The following ADAMTSL3 variants were observed in gnomAD, a reference collection of about 807,000 sequenced individuals.
The protein encoded by ADAMTSL3 is ADAMTS like 3.
In ADAMTSL3, 128 loss-of-function variants were observed where a neutral mutation model predicts 201.7. The ratio of observed to expected loss-of-function variants is 0.63; its 90% CI spans 0.55 to 0.73. ADAMTSL3 has a LOEUF of 0.73. Among genes scored for constraint, ADAMTSL3 ranks in the 30% least tolerant of loss-of-function variants. The probability of loss-of-function intolerance (pLI) is 0.00; values close to 1 mark genes in which losing one functional copy is unlikely to be tolerated. For missense variants in ADAMTSL3, 1,990 were observed against 2,119.6 expected, an observed-to-expected ratio of 0.94 and a Z score of 1.20; for synonymous variants, 738 against 748.4, an observed-to-expected ratio of 0.99 and a Z score of 0.23.
chr15:83,712,333 T>C (rs868630413), intron 3 of ADAMTSL3, among the ~76,000 whole-genome samples: 4 of 152,338 alleles, frequency 2.6e-5, no homozygotes, highest in Non-Finnish European at 5.9e-5. Flanking sequence ...ATTCCAACTT[T>C]CTGCTGCAAC....
intron 23 of ADAMTSL3, among the ~76,000 whole-genome samples, chr15:84,011,631 T>C (rs182267873): frequency 6.6e-6 from 1 of 152,212 alleles, no homozygotes; most frequent in African/African-American, 2.4e-5. Flanking sequence ...AAATCAGAAG[T>C]ATACATATTG....
chr15:83,698,374 C>G (rs1297797520), intron 2 of ADAMTSL3, among the ~76,000 whole-genome samples: 1 of 152,062 alleles, frequency 6.6e-6, no homozygotes, highest in Non-Finnish European at 1.5e-5. Flanking sequence ...CAGCTGTATC[C>G]CCACGTCTCA....
Position 83,773,573 on chromosome 15 carries a change from T to C in ADAMTSL3, c.240T>C (p.Ala80=), listed in dbSNP as rs2063021670. 1 of 1,614,068 alleles carries C rather than the reference T, an allele frequency of 6.2e-7. No homozygotes were observed. The highest frequency in any genetic ancestry group is 1.1e-5 in the South Asian group (1 of 91,080). ...AAGACAAAGATGGCAACTGGGATGC[T>C]TGGGGCGACTGGAGTGACTGCTCCC... ...SDEDKDGNWD[A]WGDWSDCSRT... The change falls in exon 4 of 30, where the codon GCT becomes GCC. Residue 80 remains alanine, a synonymous_variant. Transcript: ENST00000286744.
intron 9 of ADAMTSL3, among the ~76,000 whole-genome samples, chr15:83,883,173 TA>T: frequency 6.6e-6 from 1 of 151,002 alleles, no homozygotes; most frequent in East Asian, 2.0e-4. Flanking sequence ...TATTTTATTT[TA>T]TTTTATTTTA....
intron 7 of ADAMTSL3, among the ~76,000 whole-genome samples, chr15:83,856,514 T>C (rs1254085057): frequency 6.6e-6 from 1 of 151,990 alleles, no homozygotes; most frequent in Middle Eastern, 3.2e-3. Flanking sequence ...TAAGAATCCA[T>C]TGTAGGTATA....
intron 3 of ADAMTSL3, among the ~76,000 whole-genome samples, chr15:83,738,212 G>A (rs2062397865): frequency 6.6e-6 from 1 of 152,142 alleles, no homozygotes; most frequent in Non-Finnish European, 1.5e-5. Flanking sequence ...AGAAAAAAAT[G>A]GACCAGGTAG....
At chr15:83,815,440 T>A (rs2063758063) in intron 5 of ADAMTSL3, among the ~76,000 whole-genome samples, 1 of 152,236 alleles carries the variant, frequency 6.6e-6, no homozygotes, top group Admixed American at 6.5e-5. Flanking sequence ...GCACGTGACC[T>A]AGGGCAAAGC....
chr15:83,729,329 T>C (rs1307486091), intron 3 of ADAMTSL3, among the ~76,000 whole-genome samples: 1 of 152,116 alleles, frequency 6.6e-6, no homozygotes, highest in Non-Finnish European at 1.5e-5. Flanking sequence ...TATTATCCTT[T>C]TGAGTAAAAT....
intron 6 of ADAMTSL3, among the ~76,000 whole-genome samples, chr15:83,833,136 G>T (rs985648283): frequency 1.3e-5 from 2 of 152,170 alleles, no homozygotes; most frequent in Admixed American, 6.5e-5. Context: ...TGTTGATAAG[G>T]AAACTGGAAA....
intron 20 of ADAMTSL3, among the ~76,000 whole-genome samples, chr15:83,977,836 A>G (rs979228020): frequency 6.6e-6 from 1 of 152,250 alleles, no homozygotes; most frequent in Non-Finnish European, 1.5e-5. Context: ...CCGGGCCTCC[A>G]TGGGCCTCAG....
chr15:83,975,095 G>T (rs1034178170), intron 20 of ADAMTSL3, among the ~76,000 whole-genome samples: 2 of 147,412 alleles, frequency 1.4e-5, no homozygotes, highest in Non-Finnish European at 3.0e-5. Context: ...TCTGCCTCCC[G>T]GGTTCACGCC....
At chr15:83,850,999 A>C (rs1375829686) in intron 7 of ADAMTSL3, among the ~76,000 whole-genome samples, 4 of 152,106 alleles carry the variant, frequency 2.6e-5, no homozygotes, top group Non-Finnish European at 5.9e-5. Context: ...TATCAGCATC[A>C]CCTGGGAGGC....
intron 9 of ADAMTSL3, among the ~76,000 whole-genome samples, chr15:83,881,617 G>T (rs1021008200): frequency 3.3e-5 from 5 of 150,710 alleles, no homozygotes; most frequent in African/African-American, 1.2e-4. Context: ...CACTTTGGGA[G>T]GCTGAGGCAG....
intron 2 of ADAMTSL3, among the ~76,000 whole-genome samples, chr15:83,683,219 GCA>G (rs1339061840): frequency 6.6e-6 from 1 of 152,154 alleles, no homozygotes. Flanking sequence ...CTTTACCCTT[GCA>G]TGTGGCTTGT....
intron 4 of ADAMTSL3, among the ~76,000 whole-genome samples, chr15:83,791,129 GGAAAAAATAATATTAAAAT>G (rs2063337514): frequency 6.6e-6 from 1 of 150,810 alleles, no homozygotes; most frequent in Non-Finnish European, 1.5e-5. Flanking sequence ...TTCATAGATT[GGAAAAAATAATATTAAAAT>G]GTTGATACTA....
chr15:83,736,977 A>T (rs1329463903), intron 3 of ADAMTSL3, among the ~76,000 whole-genome samples: 1 of 152,178 alleles, frequency 6.6e-6, no homozygotes, highest in African/African-American at 2.4e-5. Context: ...AAGAGTTAAC[A>T]CCCAGAGAAA....
chr15:83,858,497 C>T (rs113371795), intron 7 of ADAMTSL3, among the ~76,000 whole-genome samples: 2,301 of 152,200 alleles, frequency 0.015, 28 homozygotes, highest in Non-Finnish European at 0.025. Context: ...CTCAGCCTCC[C>T]GGGTAGCTGG....
chr15:83,965,464 A>C (rs546995377), intron 19 of ADAMTSL3, among the ~76,000 whole-genome samples: 2 of 152,328 alleles, frequency 1.3e-5, no homozygotes, highest in East Asian at 3.9e-4. Context: ...TAAAGAGATC[A>C]ATGCAACAAG....
chr15:84,014,470 G>T, intron 23 of ADAMTSL3, 72 bp from the exon 24 acceptor site: 1 of 1,374,006 alleles, frequency 7.3e-7, no homozygotes, highest in Non-Finnish European at 1.0e-6. Context: ...ACAGTGAATG[G>T]TATTTGTCAA....
Sources: allele counts gnomAD v4.1 joint callset (sites outside exome capture counted in the v4.1 genomes callset), GRCh38; gene constraint gnomAD v4.1.1; transcripts MANE v1.5; gene names NCBI Gene and HGNC (gene_info 2026-07-23, HGNC 2026-07-21).